Variants in CPQ observed in about 807,000 individuals in gnomAD.
CPQ encodes the protein carboxypeptidase Q, also known as Ser-Met dipeptidase.
CPQ carries 37 observed loss-of-function variants against 45.7 expected under a neutral mutation model. The observed-to-expected ratio is 0.81, with a 90% CI of 0.62 to 1.07. The LOEUF is 1.07. Among genes scored for constraint, CPQ ranks in the 50% least tolerant of loss-of-function variants. The pLI, the probability that CPQ is intolerant of heterozygous loss-of-function variation, is 0.00. For missense variants in CPQ, 537 were observed against 572.9 expected (o/e 0.94, Z 0.64); for synonymous variants, 186 against 205.8 (o/e 0.90, Z 0.82).
intron 5 of CPQ, among the ~76,000 whole-genome samples, chr8:96,976,144 C>CA (rs1456931145): frequency 6.9e-6 from 1 of 144,722 alleles, no homozygotes; most frequent in African/African-American, 2.5e-5. Context: ...AGCAAAGGTT[C>CA]AGGATACAAA....
chr8:96,972,768 G>C (rs1179134927), intron 5 of CPQ, among the ~76,000 whole-genome samples: 18 of 152,134 alleles, frequency 1.2e-4, no homozygotes, highest in Admixed American at 1.2e-3. Flanking sequence ...TGGGTGGCTA[G>C]ACCCAGAAGA....
chr8:96,723,858 C>T (rs1312044404), intron 1 of CPQ, among the ~76,000 whole-genome samples: 2 of 151,986 alleles, frequency 1.3e-5, no homozygotes, highest in Admixed American at 1.3e-4. Flanking sequence ...CCCAAGAGAC[C>T]TCTTATATTA....
intron 4 of CPQ, among the ~76,000 whole-genome samples, chr8:96,926,853 G>T (rs1389907605): frequency 6.6e-6 from 1 of 151,914 alleles, no homozygotes; most frequent in Non-Finnish European, 1.5e-5. Flanking sequence ...AGAGGCCCCA[G>T]TGTGTGATGT....
At chr8:96,662,709 C>T (rs1461616361) in intron 1 of CPQ, among the ~76,000 whole-genome samples, 2 of 152,150 alleles carry the variant, frequency 1.3e-5, no homozygotes, top group Non-Finnish European at 2.9e-5. Context: ...AACTTCAATG[C>T]TTGGCCAGGT....
chr8:96,714,862 G>C (rs114138620), intron 1 of CPQ, among the ~76,000 whole-genome samples: 1,792 of 151,908 alleles, frequency 0.012, 48 homozygotes, highest in African/African-American at 0.039. Context: ...GTTTATTCTA[G>C]CCTAATGAAG....
intron 4 of CPQ, among the ~76,000 whole-genome samples, chr8:96,952,837 T>G (rs1221982357): frequency 6.6e-6 from 1 of 152,074 alleles, no homozygotes; most frequent in Non-Finnish European, 1.5e-5. Flanking sequence ...AATGTAGAAA[T>G]AACAGTCCAT....
chr8:96,704,583 G>A (rs766971675), intron 1 of CPQ, among the ~76,000 whole-genome samples: 3 of 152,118 alleles, frequency 2.0e-5, no homozygotes, highest in Non-Finnish European at 2.9e-5. Flanking sequence ...ATTAGAATGT[G>A]TGATATAAAA....
intron 2 of CPQ, among the ~76,000 whole-genome samples, chr8:96,819,698 A>C (rs1350972067): frequency 6.6e-6 from 1 of 152,066 alleles, no homozygotes; most frequent in African/African-American, 2.4e-5. Flanking sequence ...CAATAAGCAA[A>C]ATGCCTTGAT....
chr8:96,880,112 A>G, intron 4 of CPQ, 107 bp downstream of exon 4: 1 of 934,710 alleles, frequency 1.1e-6, no homozygotes, highest in Non-Finnish European at 1.7e-6. Flanking sequence ...GATGGTCCTC[A>G]TAGATTCGTT....
At chr8:97,108,857 C>A (rs1309748962) in intron 7 of CPQ, among the ~76,000 whole-genome samples, 1 of 152,176 alleles carries the variant, frequency 6.6e-6, no homozygotes, top group East Asian at 1.9e-4. Context: ...GGATTCTCCA[C>A]CACATTTTCT....
rs148612719 is a variant in CPQ, at chr8:96,701,275, T to C, written c.-35+55873T>C. ...GCAGTAACATCATTCTTCCAAGGAT[T>C]TGGGAGAAGATTAAATGAAATAAAT... On this transcript the variant is annotated intron_variant, in intron 1 of 7. Coordinates refer to ENST00000220763, the MANE Select transcript of CPQ (RefSeq NM_016134.4). Among the ~76,000 whole-genome samples the C allele has an allele frequency of 1.9e-3, 288 of 152,224 alleles. 5 individuals carry two copies. Among genetic ancestry groups the C allele is most frequent in the Admixed American group, 0.013 (192 of 15,288 alleles).
chr8:96,699,346 G>C lies in CPQ; in HGVS notation c.-35+53944G>C, dbSNP rs528092429. Among the ~76,000 whole-genome samples the C allele has an allele frequency of 1.5e-4, 23 of 152,242 alleles. No individual in the cohort carries two copies. The East Asian group carries it at 4.4e-3, about 29-fold the overall frequency. On this transcript the variant is annotated intron_variant, in intron 1 of 7. Coordinates refer to ENST00000220763, the MANE Select transcript of CPQ (RefSeq NM_016134.4). ...ACCAGAGGCTGAGAAAGGTAGTAGG[G>C]GGCTGGTGGGAAGTGAGAATGGTTA... is the stretch of plus-strand genomic sequence containing the variant.
At chr8:97,024,894 A>G (rs1300626896) in intron 5 of CPQ, among the ~76,000 whole-genome samples, 6 of 152,246 alleles carry the variant, frequency 3.9e-5, no homozygotes, top group African/African-American at 1.4e-4. Context: ...GAAAATGAGT[A>G]TATTTACTGC....
At chr8:97,052,765 T>C (rs1810384511) in intron 6 of CPQ, among the ~76,000 whole-genome samples, 1 of 152,176 alleles carries the variant, frequency 6.6e-6, no homozygotes, top group Non-Finnish European at 1.5e-5. Context: ...TATTCCATTA[T>C]TGAAGGGACC....
chr8:97,081,856 G>A (rs1810955796), intron 7 of CPQ, among the ~76,000 whole-genome samples: 1 of 152,058 alleles, frequency 6.6e-6, no homozygotes, highest in South Asian at 2.1e-4. Context: ...TGTGACCTTA[G>A]GAAAGTCATT....
intron 7 of CPQ, among the ~76,000 whole-genome samples, chr8:97,091,944 C>T (rs940352028): frequency 6.6e-6 from 1 of 152,018 alleles, no homozygotes; most frequent in African/African-American, 2.4e-5. Context: ...TCTTATCACC[C>T]CAGGGAAACT....
intron 7 of CPQ, among the ~76,000 whole-genome samples, chr8:97,129,002 C>T (rs1231009750): frequency 6.6e-6 from 1 of 152,116 alleles, no homozygotes; most frequent in African/African-American, 2.4e-5. Context: ...GACAACCTAC[C>T]CACCATAGAC....
At chr8:96,915,391 A>G (rs191327973) in intron 4 of CPQ, among the ~76,000 whole-genome samples, 12 of 152,236 alleles carry the variant, frequency 7.9e-5, no homozygotes, top group African/African-American at 2.9e-4. Context: ...GCTGAACATA[A>G]TTTTTCATTT....
At chr8:96,698,275 T>C (rs1000395543) in intron 1 of CPQ, among the ~76,000 whole-genome samples, 1 of 152,136 alleles carries the variant, frequency 6.6e-6, no homozygotes, top group Non-Finnish European at 1.5e-5. Flanking sequence ...TAAGTGGTGC[T>C]GGGAAAACTG....
Sources: gnomAD v4.1 joint callset for allele counts (sites outside exome capture counted in the v4.1 genomes callset) on GRCh38, gnomAD v4.1.1 for gene constraint, MANE v1.5 for transcripts, NCBI Gene and HGNC (gene_info 2026-07-23, HGNC 2026-07-21) for gene names.